KANSL1: variants seen among roughly 807,000 people sequenced by gnomAD.
The protein encoded by KANSL1 is KAT8 regulatory NSL complex subunit 1, also known as MLL1/MLL complex subunit KANSL1.
KANSL1 carries 22 observed loss-of-function variants against 103.6 expected under a neutral mutation model. That is an observed-to-expected ratio of 0.21 (90% confidence interval 0.15 to 0.30). KANSL1 has a LOEUF of 0.30. KANSL1 is among the 10% of genes least tolerant of loss of function. The pLI, the probability that KANSL1 is intolerant of heterozygous loss-of-function variation, is 1.00. For synonymous variants in KANSL1, 600 were observed against 527.6 expected (o/e 1.14, Z -1.88); for missense variants, 1,337 against 1,399.8 (o/e 0.96, Z 0.72).
intron 14 of KANSL1, 99 bp downstream of exon 14, chr17:46,031,948 A>G: frequency 6.5e-7 from 1 of 1,545,866 alleles, no homozygotes; most frequent in Non-Finnish European, 8.9e-7. Flanking sequence ...TCCCTTCAAA[A>G]GGGGGAGGGG....
intron 1 of KANSL1, among the ~76,000 whole-genome samples, chr17:46,188,587 C>T (rs573299556): frequency 6.6e-6 from 1 of 152,294 alleles, no homozygotes; most frequent in Admixed American, 6.5e-5. Flanking sequence ...TACTTAAGAA[C>T]CTGCCCTGTA....
At chr17:46,099,771 T>A (rs1472098656) in intron 2 of KANSL1, among the ~76,000 whole-genome samples, 2 of 152,274 alleles carry the variant, frequency 1.3e-5, no homozygotes, top group African/African-American at 4.8e-5. Flanking sequence ...ATGTACTATA[T>A]ATACTGTAGT....
intron 6 of KANSL1, among the ~76,000 whole-genome samples, chr17:46,063,121 G>T (rs1277129139): frequency 6.6e-6 from 1 of 152,210 alleles, no homozygotes. Context: ...CTGGAATGCA[G>T]TAGAGATCAT....
At chr17:46,061,501 TA>T (rs1568402458) in intron 6 of KANSL1, among the ~76,000 whole-genome samples, 1 of 152,096 alleles carries the variant, frequency 6.6e-6, no homozygotes, top group East Asian at 1.9e-4. Context: ...ACATCCACCA[TA>T]CTAGACCCCT....
At chr17:46,098,779 T>C (rs938118756) in intron 2 of KANSL1, among the ~76,000 whole-genome samples, 1 of 152,258 alleles carries the variant, frequency 6.6e-6, no homozygotes, top group Admixed American at 6.5e-5. Flanking sequence ...ACAACATTAT[T>C]CTTCCATAAT....
intron 2 of KANSL1, among the ~76,000 whole-genome samples, chr17:46,104,201 T>C (rs1033811953): frequency 6.6e-6 from 1 of 152,236 alleles, no homozygotes; most frequent in Non-Finnish European, 1.5e-5. Context: ...CTCCTTTCAA[T>C]ACCCGTCAGT....
At chr17:46,134,142 A>G (rs1017423793) in intron 2 of KANSL1, among the ~76,000 whole-genome samples, 1 of 152,202 alleles carries the variant, frequency 6.6e-6, no homozygotes, top group African/African-American at 2.4e-5. Flanking sequence ...TCACGCCTGT[A>G]CTCCCAGCAC....
At chr17:46,153,538 T>C (rs1008777010) in intron 2 of KANSL1, among the ~76,000 whole-genome samples, 1 of 152,182 alleles carries the variant, frequency 6.6e-6, no homozygotes, top group Non-Finnish European at 1.5e-5. Context: ...GTTTACAAAA[T>C]GTTTCGTGTA....
At chr17:46,216,598 CAA>C (rs72237062) in intron 1 of KANSL1, among the ~76,000 whole-genome samples, 16 of 83,726 alleles carry the variant, frequency 1.9e-4, no homozygotes, top group Admixed American at 6.1e-4. Flanking sequence ...GACTCCGTCT[CAA>C]AAAAAAAAAA....
At chr17:46,121,788 G>C (rs1359054010) in intron 2 of KANSL1, among the ~76,000 whole-genome samples, 1 of 151,958 alleles carries the variant, frequency 6.6e-6, no homozygotes, top group Non-Finnish European at 1.5e-5. Context: ...TTACAATGGG[G>C]GTTTTGTCCC....
intron 2 of KANSL1, chr17:46,170,182 A>AC (rs1302067607): frequency 6.6e-6 from 1 of 152,100 alleles, no homozygotes; most frequent in Non-Finnish European, 1.5e-5. Context: ...CAAAAAAAAC[A>AC]ACCCAGTAAG....
At chr17:46,032,320 ATC>A in intron 13 of KANSL1, 21 bp from the exon 14 acceptor site, 1 of 1,492,448 alleles carries the variant, frequency 6.7e-7, no homozygotes, top group South Asian at 1.4e-5. Flanking sequence ...AGGAATGCAA[ATC>A]TGAGTGCCTG....
At chr17:46,214,754 G>T (rs1484115941) in intron 1 of KANSL1, among the ~76,000 whole-genome samples, 1 of 152,180 alleles carries the variant, frequency 6.6e-6, no homozygotes, top group East Asian at 1.9e-4. Flanking sequence ...TCAAAGTGGA[G>T]CAAACTAGCA....
intron 2 of KANSL1, among the ~76,000 whole-genome samples, chr17:46,119,625 CCACTA>C (rs373388397): frequency 2.9e-3 from 441 of 152,098 alleles, no homozygotes; most frequent in Non-Finnish European, 4.6e-3. Flanking sequence ...TGAATTTTAA[CCACTA>C]CACTTCATCT....
At chr17:46,137,597 C>T (rs544597455) in intron 2 of KANSL1, among the ~76,000 whole-genome samples, 5 of 152,240 alleles carry the variant, frequency 3.3e-5, no homozygotes, top group Admixed American at 1.3e-4. Flanking sequence ...ACTGTTTCGC[C>T]GGGCGCGGTA....
At chr17:46,157,450 T>C (rs2045490693) in intron 2 of KANSL1, among the ~76,000 whole-genome samples, 1 of 152,250 alleles carries the variant, frequency 6.6e-6, no homozygotes, top group African/African-American at 2.4e-5. Context: ...TTGGACATTA[T>C]GGAAATGACA....
intron 7 of KANSL1, chr17:46,040,966 G>A (rs1299817016): frequency 6.6e-6 from 1 of 152,204 alleles, no homozygotes; most frequent in African/African-American, 2.4e-5. Context: ...GGAAGATGAG[G>A]GAAAGTCTGG....
chr17:46,159,414 C>A (rs907405249), intron 2 of KANSL1, among the ~76,000 whole-genome samples: 22 of 152,344 alleles, frequency 1.4e-4, no homozygotes, highest in Non-Finnish European at 2.8e-4. Context: ...ACCTCTAGTT[C>A]ATCCTTCAAG....
chr17:46,209,495 TTTG>T (rs1157891519), intron 1 of KANSL1, among the ~76,000 whole-genome samples: 5 of 152,130 alleles, frequency 3.3e-5, no homozygotes, highest in Admixed American at 2.6e-4. Flanking sequence ...CCATGGGTTT[TTTG>T]TTGTTGTTTT....
Sources: gnomAD v4.1 joint callset for allele counts (sites outside exome capture counted in the v4.1 genomes callset) on GRCh38, gnomAD v4.1.1 for gene constraint, MANE v1.5 for transcripts, NCBI Gene and HGNC (gene_info 2026-07-23, HGNC 2026-07-21) for gene names.